The following SDHA variants were observed in gnomAD, a reference collection of about 807,000 sequenced individuals.
SDHA encodes succinate dehydrogenase [ubiquinone] flavoprotein subunit, mitochondrial.
SDHA carries 48 observed loss-of-function variants against 78.4 expected under a neutral mutation model. The observed-to-expected ratio is 0.61, with a 90% CI of 0.49 to 0.78. SDHA has a LOEUF of 0.78. SDHA is among the 30% of genes least tolerant of loss of function. SDHA has a pLI of 0.00. For missense variants in SDHA, 680 were observed against 892.7 expected, an observed-to-expected ratio of 0.76 and a Z score of 3.04; for synonymous variants, 326 against 353.9, an observed-to-expected ratio of 0.92 and a Z score of 0.88.
chr5:252,060 C>CA (rs1168787441), intron 13 of SDHA, among the ~76,000 whole-genome samples: 1 of 148,802 alleles, frequency 6.7e-6, no homozygotes, highest in African/African-American at 2.5e-5. Context: ...GTGGAAATGC[C>CA]AGTTTATTAA....
At chr5:268,373 G>A in the SDHA span, among the ~76,000 whole-genome samples, 2 of 152,076 alleles carry the variant, frequency 1.3e-5, no homozygotes, top group African/African-American at 2.4e-5. Context: ...TAGTAGAGAC[G>A]AGGTTTCACC....
chr5:248,430 A>G (rs1054936114), intron 11 of SDHA, among the ~76,000 whole-genome samples: 6 of 152,350 alleles, frequency 3.9e-5, no homozygotes, highest in African/African-American at 1.2e-4. Flanking sequence ...CTGTGATAGC[A>G]GTGATCACCA....
intron 11 of SDHA, among the ~76,000 whole-genome samples, 159 bp downstream of exon 11, chr5:240,635 A>C (rs10037861): frequency 0.24 from 36,424 of 151,876 alleles, 6,809 homozygotes; most frequent in African/African-American, 0.52. Context: ...TACCCGTCAC[A>C]CAAGTCGTGT....
intron 11 of SDHA, chr5:250,621 G>T: frequency 2.8e-6 from 1 of 351,628 alleles, no homozygotes. Flanking sequence ...TTCACCACCA[G>T]ACCCCGCGTC....
At chr5:241,659 A>G (rs1427843307) in intron 11 of SDHA, among the ~76,000 whole-genome samples, 2 of 152,196 alleles carry the variant, frequency 1.3e-5, no homozygotes, top group African/African-American at 4.8e-5. Context: ...CTTGCCTACT[A>G]TTTGCAAGAA....
rs768882490 is a variant in SDHA at position 251,486 on chromosome 5, G to A, written c.1794+18G>A. ...ACTACAAGGTGGGCCTTCTCACCAC[G>A]CCCACCTGCACCTGCCTTTTCCTGC... On this transcript the variant is annotated intron_variant, in intron 13 of 14. Coordinates refer to ENST00000264932, the MANE Select transcript of SDHA (RefSeq NM_004168.4). 16 of 1,613,626 alleles carry A rather than the reference G, an allele frequency of 9.9e-6. No individual in the cohort carries two copies. In the African/African-American group the frequency reaches 1.6e-4, roughly 16 times the overall value.
intron 14 of SDHA, among the ~76,000 whole-genome samples, chr5:254,944 G>T (rs1737086857): frequency 6.6e-6 from 1 of 152,080 alleles, no homozygotes; most frequent in African/African-American, 2.4e-5. Flanking sequence ...GGAAGCGTCT[G>T]CAGGGGAGCT....
chr5:251,486 G>T lies in SDHA; in HGVS notation c.1794+18G>T, dbSNP rs768882490. On this transcript the variant is annotated intron_variant, in intron 13 of 14. Transcript: ENST00000264932. Reference sequence around the variant, plus strand: ...ACTACAAGGTGGGCCTTCTCACCACGCCCACCTGCACCTGCCTTTTCCTGC... The same window carrying T: ...ACTACAAGGTGGGCCTTCTCACCACTCCCACCTGCACCTGCCTTTTCCTGC... 1 of 1,613,626 alleles carries T rather than the reference G, an allele frequency of 6.2e-7. No individual in the cohort carries two copies.
chr5:256,336 C>G lies in SDHA; in HGVS notation c.1911C>G (p.Val637=), dbSNP rs11557098. The G allele has an allele frequency of 6.2e-7, 1 of 1,612,870 alleles. No homozygotes were observed. The highest frequency in any genetic ancestry group is 2.2e-5 in the East Asian group (1 of 44,876). Residue 637 remains valine (V), a splice_region_variant and synonymous_variant, in exon 15 of 15, where the codon GTC becomes GTG. Transcript: ENST00000264932. ...TACCACTGACTCTTCTTTTCAAGGT[C>G]ACTCTGGAATATAGACCCGTGATCG... The part of the protein sequence containing the change: ...LSYVDVGTGK[V]TLEYRPVIDK...
chr5:229,724 C>CA (rs1176716770), intron 6 of SDHA, among the ~76,000 whole-genome samples: 1 of 152,200 alleles, frequency 6.6e-6, no homozygotes, highest in Non-Finnish European at 1.5e-5. Context: ...TAACATTATA[C>CA]AGCATGGTGG....
At chr5:237,711 G>C (rs1317747709) in intron 10 of SDHA, among the ~76,000 whole-genome samples, 3 of 134,758 alleles carry the variant, frequency 2.2e-5, no homozygotes, top group Non-Finnish European at 4.5e-5. Flanking sequence ...GGTGCTTTTT[G>C]TATGGATTCA....
chr5:237,338 T>C (rs1231936835), intron 10 of SDHA, among the ~76,000 whole-genome samples: 1 of 134,822 alleles, frequency 7.4e-6, no homozygotes, highest in Non-Finnish European at 1.5e-5. Flanking sequence ...AAAGTACAGC[T>C]AGCCTCTATT....
Position 237,917 on chromosome 5 carries a change from G to T in SDHA, c.1432+1318G>T, listed in dbSNP as rs542472569. ...CCATTGGTGATCATCGGCGAAGGCGGAGTTCAGGTCCATCGTTCCTGACGC... is the reference window on the plus strand; with the variant it reads ...CCATTGGTGATCATCGGCGAAGGCGTAGTTCAGGTCCATCGTTCCTGACGC... On this transcript the variant is annotated intron_variant, in intron 10 of 14. Coordinates refer to ENST00000264932, the MANE Select transcript of SDHA (RefSeq NM_004168.4). Among the ~76,000 whole-genome samples the T allele has an allele frequency of 1.0e-3, 136 of 136,140 alleles. 9 individuals carry two copies. The highest frequency in any genetic ancestry group is 1.8e-3 in the Non-Finnish European group (121 of 66,670). 89.3% of individuals were successfully genotyped at this position (136,140 alleles called of 152,430 possible). A position where few individuals can be genotyped will look rare whatever the true frequency, so the allele number is the denominator to read the frequency against.
intron 8 of SDHA, chr5:233,847 A>G (rs1735585080): frequency 1.8e-6 from 1 of 555,296 alleles, no homozygotes. Context: ...TTTCTTTCTC[A>G]AATCTGTGGA....
At chr5:266,699 G>A in the SDHA span, among the ~76,000 whole-genome samples, 2 of 145,186 alleles carry the variant, frequency 1.4e-5, no homozygotes, top group East Asian at 1.9e-4. Flanking sequence ...TTCCTAACAC[G>A]GATCAAAGGT....
chr5:249,646 A>G (rs1170845344), intron 11 of SDHA: 2 of 152,380 alleles, frequency 1.3e-5, no homozygotes, highest in Non-Finnish European at 2.9e-5. Context: ...CTGTCAATAA[A>G]TATGTGGGTA....
intron 1 of SDHA, among the ~76,000 whole-genome samples, chr5:219,023 C>G (rs10061004): frequency 0.24 from 36,624 of 152,244 alleles, 6,877 homozygotes; most frequent in African/African-American, 0.52. Flanking sequence ...GCAAATCTGT[C>G]CATGTCCACT....
intron 8 of SDHA, 90 bp from the exon 9 acceptor site, chr5:235,054 T>G: frequency 7.6e-7 from 1 of 1,316,712 alleles, no homozygotes; most frequent in Non-Finnish European, 1.1e-6. Flanking sequence ...TCAAAACATG[T>G]TGAAACTCAC....
intron 9 of SDHA, 72 bp downstream of exon 9, chr5:235,411 C>T: frequency 7.2e-7 from 1 of 1,386,730 alleles, no homozygotes; most frequent in Non-Finnish European, 1.0e-6. Context: ...GCAGTTGTCT[C>T]TTTAGATCTT....
Sources: gnomAD v4.1 joint callset for allele counts (sites outside exome capture counted in the v4.1 genomes callset) on GRCh38, gnomAD v4.1.1 for gene constraint, MANE v1.5 for transcripts, NCBI Gene and HGNC (gene_info 2026-07-23, HGNC 2026-07-21) for gene names.